ACP4: variants seen among roughly 807,000 people sequenced by gnomAD.
The protein encoded by ACP4 is acid phosphatase 4.
Under a neutral mutation model 47.3 loss-of-function variants are expected in ACP4, and 49 were observed. The observed-to-expected ratio is 1.04, with a 90% CI of 0.82 to 1.32. The LOEUF is 1.32. Among genes scored for constraint, ACP4 ranks in the 40% most tolerant of loss-of-function variants. The pLI is 0.00. For missense variants in ACP4, 594 were observed against 579.3 expected (o/e 1.03, Z -0.26); for synonymous variants, 299 against 265.3 (o/e 1.13, Z -1.23).
Position 50,791,656 on chromosome 19 carries a change from G to T in ACP4, c.304G>T (p.Val102Leu). ...GTGCCCTCTCTCCACCCCGCTCCAG[G>T]TGTACATCCGCAGCACGGACTTTGA... ...FLSPEYRREEVYIRSTDFDRT... is the reference protein window; with the variant it reads ...FLSPEYRREELYIRSTDFDRT... Residue 102 changes from valine to leucine, a missense_variant and splice_region_variant, in exon 4 of 11, where the codon GTG (valine) becomes TTG (leucine). Physicochemically the swap from Val to Leu is conservative, Grantham distance 32. Coordinates refer to ENST00000270593, the MANE Select transcript of ACP4 (RefSeq NM_033068.3). 3.1e-6 allele frequency: 5 copies of T among 1,610,008 alleles called. No homozygotes were observed. The highest frequency in any genetic ancestry group is 4.2e-6 in the Non-Finnish European group (5 of 1,177,472).
At chr19:50,793,443 A>G in intron 6 of ACP4, 1 of 522,752 alleles carries the variant, frequency 1.9e-6, no homozygotes, top group Non-Finnish European at 3.4e-6. Flanking sequence ...TGAACCCGAG[A>G]GGCAAGGGTT....
In ACP4 at chr19:50,794,579, AG is replaced by A. The variant is rs758086451; in HGVS notation, c.986+1del. On this transcript the variant is annotated frameshift_variant and splice_region_variant, in exon 9 of 11. Transcript: ENST00000270593. LOFTEE classifies it high-confidence loss of function. ...ACCTGGGGAATCCCGCCAAAGATGG[AG>A]GGTGAGAATGGTTTGGTGCCCAGGG... The part of the protein sequence containing the change: ...KHLGNPAKDG[G>X]NVTVSLFYRN... The A allele has an allele frequency of 6.2e-7, 1 of 1,614,014 alleles. No individual in the cohort carries two copies. Among genetic ancestry groups the A allele is most frequent in the Admixed American group, 1.7e-5 (1 of 60,004 alleles).
chr19:50,794,834 C>G lies in ACP4; in HGVS notation c.1035C>G (p.Pro345=), dbSNP rs958428479. 7.4e-6 allele frequency: 12 copies of G among 1,613,048 alleles called. No homozygotes were observed. Among genetic ancestry groups the G allele is most frequent in the African/African-American group, 1.3e-5 (1 of 74,924 alleles). The part of the protein sequence containing the change: ...LFYRNDSAHL[P]LPLSLPGCPA... ...ACCGCAATGACTCCGCCCACCTGCCCCTGCCTCTCAGCCTCCCCGGGTGCC... is the reference window on the plus strand; with the variant it reads ...ACCGCAATGACTCCGCCCACCTGCCGCTGCCTCTCAGCCTCCCCGGGTGCC... The change falls in exon 10 of 11, where the codon CCC becomes CCG. Residue 345 remains proline, a synonymous_variant. Transcript: ENST00000270593.
intron 4 of ACP4, 91 bp downstream of exon 4, chr19:50,791,893 G>T: frequency 6.7e-7 from 1 of 1,493,922 alleles, no homozygotes; most frequent in South Asian, 1.3e-5. Flanking sequence ...GCTCCGAGAA[G>T]CAAGACTGTC....
At chr19:50,792,545 C>T (rs1269636307) in intron 6 of ACP4, 2 of 590,018 alleles carry the variant, frequency 3.4e-6, no homozygotes, top group Non-Finnish European at 6.0e-6. Flanking sequence ...ACTGTGCTTA[C>T]AATAGTGCCT....
intron 9 of ACP4, 100 bp downstream of exon 9, chr19:50,794,681 G>A: frequency 6.3e-7 from 1 of 1,596,652 alleles, no homozygotes; most frequent in Non-Finnish European, 8.5e-7. Flanking sequence ...GGAGCTGCAT[G>A]GGATGATGCT....
intron 6 of ACP4, 136 bp downstream of exon 6, chr19:50,792,473 G>A: frequency 1.2e-6 from 1 of 814,006 alleles, no homozygotes; most frequent in Non-Finnish European, 1.9e-6. Flanking sequence ...CAGTGGGGAT[G>A]GCAACACCGG....
chr19:50,792,372 G>A, intron 6 of ACP4, 35 bp downstream of exon 6: 2 of 1,601,336 alleles, frequency 1.2e-6, no homozygotes, highest in Non-Finnish European at 1.7e-6. Context: ...AGGGTTTAAG[G>A]ACACCTGTTT....
rs568613461 is a variant in ACP4, at chr19:50,791,872, C to T, written c.450+70C>T. ...AGAGAGAGGCAGCTCTGGGTCTGGC[C>T]GCCTGAGCTGGCTCCGAGAAGCAAG... On this transcript the variant is annotated intron_variant, in intron 4 of 10. Transcript: ENST00000270593. 4.4e-5 allele frequency: 66 copies of T among 1,513,332 alleles called. No individual in the cohort carries two copies. The East Asian group carries it at 1.3e-3, about 29-fold the overall frequency. The allele number at this position is 1,513,332 out of a possible 1,614,324, so 93.7% of individuals were successfully genotyped here. A position where few individuals can be genotyped will look rare whatever the true frequency, so the allele number is the denominator to read the frequency against.
At position 50,790,583 on chromosome 19, in the gene ACP4, C is replaced by A; in HGVS notation, c.112-11C>A. Reference sequence around the variant, plus strand: ...TCCCCCAGGGCTAGCCCTGACCAGTCCTGTCCCCAGGTATTCCGCCATGGC... The same window carrying A: ...TCCCCCAGGGCTAGCCCTGACCAGTACTGTCCCCAGGTATTCCGCCATGGC... On this transcript the variant is annotated splice_polypyrimidine_tract_variant and intron_variant, in intron 1 of 10. Coordinates refer to ENST00000270593, the MANE Select transcript of ACP4 (RefSeq NM_033068.3). 1 of 1,548,668 alleles carries A rather than the reference C, an allele frequency of 6.5e-7. No homozygotes were observed. Among genetic ancestry groups the A allele is most frequent in the Non-Finnish European group, 8.7e-7 (1 of 1,146,450 alleles).
intron 6 of ACP4, 57 bp from the exon 7 acceptor site, chr19:50,793,627 G>A (rs572237613): frequency 1.4e-5 from 23 of 1,594,484 alleles, no homozygotes; most frequent in East Asian, 6.7e-5. Context: ...ACAGGCCTGC[G>A]GGGCCAGAGG....
In ACP4 at chr19:50,794,341, T is replaced by C. The variant is rs73586821; in HGVS notation, c.862-116T>C. 2,374 of 1,426,734 alleles carry C rather than the reference T, an allele frequency of 1.7e-3. 39 individuals carry two copies. The African/African-American group carries it at 0.029, about 17-fold the overall frequency. 88.4% of individuals were successfully genotyped at this position (1,426,734 alleles called of 1,614,324 possible). A position where few individuals can be genotyped will look rare whatever the true frequency, so the allele number is the denominator to read the frequency against. ...CTGCCTTCAGGATGGGAGGAAGGAG[T>C]AGCTTTGGGGGGTTGGTTCTAAGAA... On this transcript the variant is annotated intron_variant, in intron 8 of 10. Transcript: ENST00000270593.
Position 50,792,185 on chromosome 19 carries a change from C to T in ACP4, c.549+14C>T, listed in dbSNP as rs748529676. Reference sequence around the variant, plus strand: ...GAGGGCTGGACGGTGAGCAGGGCGGCGGTGGGGGGCGGGATGCAGGGGATG... The same window carrying T: ...GAGGGCTGGACGGTGAGCAGGGCGGTGGTGGGGGGCGGGATGCAGGGGATG... On this transcript the variant is annotated intron_variant, in intron 5 of 10. Coordinates refer to ENST00000270593, the MANE Select transcript of ACP4 (RefSeq NM_033068.3). 4.0e-5 allele frequency: 65 copies of T among 1,610,206 alleles called. No individual in the cohort carries two copies. In the East Asian group the frequency reaches 4.2e-4, roughly 10 times the overall value.
chr19:50,794,898 G>A lies in ACP4; in HGVS notation c.1099G>A (p.Ala367Thr). ...CPLGRFYQLT[A>T]PARPPAHGVS... is the part of the protein sequence containing the mutation. ...ACTAGGCCGCTTCTACCAGCTGACT[G>A]CCCCGGCCCGGCCTCCCGCCCATGG... Residue 367 changes from alanine to threonine, a missense_variant, in exon 10 of 11, where the codon GCC (alanine) becomes ACC (threonine). Physicochemically the swap from Ala to Thr is moderately conservative, Grantham distance 58 (BLOSUM62 0). Coordinates refer to ENST00000270593, the MANE Select transcript of ACP4 (RefSeq NM_033068.3). The A allele has an allele frequency of 6.2e-7, 1 of 1,613,598 alleles. No individual in the cohort carries two copies. The highest frequency in any genetic ancestry group is 8.5e-7 in the Non-Finnish European group (1 of 1,179,936).
rs757784986 is a variant in ACP4, at chr19:50,794,861, G to A, written c.1062G>A (p.Pro354=). 6.2e-6 allele frequency: 10 copies of A among 1,613,490 alleles called. No homozygotes were observed. Among genetic ancestry groups the A allele is most frequent in the East Asian group, 2.2e-5 (1 of 44,886 alleles). ...LPLPLSLPGC[P]APCPLGRFYQ... ...TGCCTCTCAGCCTCCCCGGGTGCCC[G>A]GCCCCCTGTCCACTAGGCCGCTTCT... The change falls in exon 10 of 11, where the codon CCG becomes CCA. Residue 354 remains proline, a synonymous_variant. Coordinates refer to ENST00000270593, the MANE Select transcript of ACP4 (RefSeq NM_033068.3).
At chr19:50,793,206 T>G in intron 6 of ACP4, 1 of 166,490 alleles carries the variant, frequency 6.0e-6, no homozygotes, top group East Asian at 1.6e-4. Context: ...ACGATGTCTA[T>G]TATTAACTAA....
chr19:50,794,503 A>T lies in ACP4; in HGVS notation c.908A>T (p.Asp303Val). The T allele has an allele frequency of 1.2e-6, 2 of 1,613,724 alleles. No individual in the cohort carries two copies. The highest frequency in any genetic ancestry group is 1.7e-6 in the Non-Finnish European group (2 of 1,179,976). Reference sequence around the variant, plus strand: ...CTCCAGGGGGCCCTGGGCCTCTATGATGGACACACCCCGCCATATGCTGCC... The same window carrying T: ...CTCCAGGGGGCCCTGGGCCTCTATGTTGGACACACCCCGCCATATGCTGCC... Reference protein sequence around the residue: ...LALQGALGLYDGHTPPYAACL... With the variant: ...LALQGALGLYVGHTPPYAACL... The change falls in exon 9 of 11, where the codon GAT becomes GTT. Residue 303 changes from aspartate to valine, a missense_variant. Asp to Val is a radical substitution (Grantham distance 152). Coordinates refer to ENST00000270593, the MANE Select transcript of ACP4 (RefSeq NM_033068.3).
In ACP4 at chr19:50,794,785, G is replaced by A. The variant is rs199866072; in HGVS notation, c.987-1G>A. On this transcript the variant is annotated splice_acceptor_variant, in intron 9 of 10. Coordinates refer to ENST00000270593, the MANE Select transcript of ACP4 (RefSeq NM_033068.3). LOFTEE classifies it high-confidence loss of function. ...GGTGCCACCATGTCCTCTCTCTCCA[G>A]GAATGTCACCGTCTCCCTCTTCTAC... The A allele has an allele frequency of 2.8e-5, 45 of 1,598,614 alleles. No homozygotes were observed. Among genetic ancestry groups the A allele is most frequent in the Non-Finnish European group, 3.6e-5 (42 of 1,170,804 alleles).
At chr19:50,794,104 T>C in intron 8 of ACP4, 134 bp downstream of exon 8, 2 of 1,030,958 alleles carry the variant, frequency 1.9e-6, no homozygotes, top group South Asian at 1.3e-5. Context: ...CTCCAAACCC[T>C]ACTCTCAGGC....
Sources: gnomAD v4.1 joint callset for allele counts on GRCh38, gnomAD v4.1.1 for gene constraint, MANE v1.5 for transcripts, NCBI Gene and HGNC (gene_info 2026-07-23, HGNC 2026-07-21) for gene names.